The following VSTM4 variants were observed in gnomAD, a reference collection of about 807,000 sequenced individuals.
The protein encoded by VSTM4 is V-set and transmembrane domain containing 4, also known as V-set and transmembrane domain-containing protein 4.
In VSTM4, 20 loss-of-function variants were observed where a neutral mutation model predicts 36.4. The ratio of observed to expected loss-of-function variants is 0.55; its 90% CI spans 0.39 to 0.80. VSTM4 has a LOEUF of 0.80. Among genes scored for constraint, VSTM4 ranks in the 30% least tolerant of loss-of-function variants. VSTM4 has a pLI of 0.00. For synonymous variants in VSTM4, 182 were observed against 173.9 expected (o/e 1.05, Z -0.37); for missense variants, 392 against 404.5 (o/e 0.97, Z 0.26).
intron 7 of VSTM4, among the ~76,000 whole-genome samples, chr10:49,024,490 C>T (rs1028460668): frequency 6.6e-6 from 1 of 152,130 alleles, no homozygotes; most frequent in Non-Finnish European, 1.5e-5. Context: ...CTGAGGCTAT[C>T]GTCCTGGGGC....
chr10:49,019,707 T>G lies in VSTM4; in HGVS notation c.906A>C (p.Lys302Asn). 1 of 1,613,976 alleles carries G rather than the reference T, an allele frequency of 6.2e-7. No individual in the cohort carries two copies. The highest frequency in any genetic ancestry group is 8.5e-7 in the Non-Finnish European group (1 of 1,179,938). Residue 302 changes from lysine to asparagine, a missense_variant, in exon 8 of 8, where the codon AAA becomes AAC. Transcript: ENST00000332853. Reference sequence around the variant, plus strand: ...CGTAGACAGTGCTGGTGGGGGCGCCTTTGGCAGCCCGGTGGGGTTTGATCA... The same window carrying G: ...CGTAGACAGTGCTGGTGGGGGCGCCGTTGGCAGCCCGGTGGGGTTTGATCA... ...LELIKPHRAA[K>N]GAPTSTVYAQ...
rs1199088197 is a variant in VSTM4, at chr10:49,048,539, C to T, written c.714G>A (p.Gln238=). ...VTSVTSLAPL[Q]PKKGKRQKEK... ...CCTTCTGCCTCTTGCCCTTCTTGGG[C>T]TGTAGTGGGGCCAAGCTGGTCACGC... The change falls in exon 6 of 8, where the codon CAG becomes CAA. Residue 238 remains glutamine (Q), a synonymous_variant. Coordinates refer to ENST00000332853, the MANE Select transcript of VSTM4 (RefSeq NM_001031746.5). 6.3e-7 allele frequency: 1 copy of T among 1,598,176 alleles called. No homozygotes were observed. The highest frequency in any genetic ancestry group is 2.3e-5 in the East Asian group (1 of 43,732).
intron 2 of VSTM4, among the ~76,000 whole-genome samples, chr10:49,101,406 C>A (rs1844663987): frequency 6.6e-6 from 1 of 152,004 alleles, no homozygotes; most frequent in African/African-American, 2.4e-5. Flanking sequence ...AGACAGCAAC[C>A]CATTTATTAA....
At chr10:49,061,667 T>C (rs1474838502) in intron 5 of VSTM4, among the ~76,000 whole-genome samples, 2 of 152,188 alleles carry the variant, frequency 1.3e-5, no homozygotes, top group African/African-American at 4.8e-5. Context: ...TGCCCTGAAG[T>C]ACATCTTATC....
At chr10:49,049,353 A>G (rs1843662793) in intron 5 of VSTM4, among the ~76,000 whole-genome samples, 1 of 152,188 alleles carries the variant, frequency 6.6e-6, no homozygotes, top group Admixed American at 6.5e-5. Flanking sequence ...TCTAAGTGAC[A>G]TTGTTGGTAA....
Position 49,107,740 on chromosome 10 carries a change from T to A in VSTM4, c.311A>T (p.Glu104Val). The change falls in exon 2 of 8, where the codon GAG (glutamate) becomes GTG (valine). Residue 104 changes from glutamate (E) to valine (V), a missense_variant. Physicochemically the swap from Glu to Val is moderately radical, Grantham distance 121. Coordinates refer to ENST00000332853, the MANE Select transcript of VSTM4 (RefSeq NM_001031746.5). ...AKRRRLRLLE[E>V]QRGALYRLSV... ...GAGCCTGTAGAGCGCCCCCCGCTGCTCCTCCAGCAGGCGCAGCCTCCGCCG... is the reference window on the plus strand; with the variant it reads ...GAGCCTGTAGAGCGCCCCCCGCTGCACCTCCAGCAGGCGCAGCCTCCGCCG... 6.2e-7 allele frequency: 1 copy of A among 1,614,202 alleles called. No homozygotes were observed. The highest frequency in any genetic ancestry group is 1.1e-5 in the South Asian group (1 of 91,092).
At chr10:49,063,398 G>A (rs1843917091) in intron 5 of VSTM4, among the ~76,000 whole-genome samples, 1 of 152,152 alleles carries the variant, frequency 6.6e-6, no homozygotes, top group Non-Finnish European at 1.5e-5. Context: ...ATTCATCCCA[G>A]TGTTGATCTG....
intron 7 of VSTM4, among the ~76,000 whole-genome samples, chr10:49,037,015 G>A (rs4129867): frequency 6.6e-6 from 1 of 152,232 alleles, no homozygotes; most frequent in Non-Finnish European, 1.5e-5. Context: ...TGCTACACTA[G>A]GAGATCATGG....
chr10:49,051,240 C>T (rs1232688047), intron 5 of VSTM4, among the ~76,000 whole-genome samples: 2 of 152,130 alleles, frequency 1.3e-5, no homozygotes, highest in African/African-American at 4.8e-5. Flanking sequence ...TGGCAACCAG[C>T]GATCTTTTAA....
intron 7 of VSTM4, among the ~76,000 whole-genome samples, chr10:49,044,829 T>C (rs1207452298): frequency 6.6e-6 from 1 of 152,226 alleles, no homozygotes; most frequent in East Asian, 1.9e-4. Flanking sequence ...CTTTACTTTG[T>C]ACCATTCATA....
chr10:49,041,947 A>G (rs1423374369), intron 7 of VSTM4, among the ~76,000 whole-genome samples: 2 of 152,230 alleles, frequency 1.3e-5, no homozygotes, highest in Non-Finnish European at 2.9e-5. Context: ...ATTAGAAACA[A>G]TATGTCCTGA....
intron 4 of VSTM4, among the ~76,000 whole-genome samples, chr10:49,074,046 C>G (rs773250418): frequency 3.3e-5 from 5 of 152,208 alleles, no homozygotes; most frequent in Non-Finnish European, 4.4e-5. Context: ...CTGTGTCTGT[C>G]TATGCTGATC....
chr10:49,052,836 C>A (rs867761751), intron 5 of VSTM4, among the ~76,000 whole-genome samples: 1 of 152,124 alleles, frequency 6.6e-6, no homozygotes, highest in African/African-American at 2.4e-5. Context: ...GTGGAGAACA[C>A]CTGCTTTGTC....
intron 3 of VSTM4, among the ~76,000 whole-genome samples, chr10:49,080,099 T>A (rs912975570): frequency 6.6e-6 from 1 of 152,240 alleles, no homozygotes; most frequent in Non-Finnish European, 1.5e-5. Context: ...AATTCTGTGG[T>A]GAGCATTCAT....
At chr10:49,045,202 TTC>T (rs55748405) in intron 7 of VSTM4, among the ~76,000 whole-genome samples, 248 of 148,328 alleles carry the variant, frequency 1.7e-3, no homozygotes, top group African/African-American at 4.2e-3. Flanking sequence ...CAGTCTTTCT[TTC>T]TCTCTCTCTC....
At chr10:49,113,649 GT>G (rs1844938088) in intron 1 of VSTM4, among the ~76,000 whole-genome samples, 1 of 152,188 alleles carries the variant, frequency 6.6e-6, no homozygotes. Flanking sequence ...TTGTCTGTCA[GT>G]TTTCTTTCCT....
chr10:49,097,724 A>G (rs958436802), intron 2 of VSTM4, among the ~76,000 whole-genome samples: 10 of 152,212 alleles, frequency 6.6e-5, no homozygotes, highest in African/African-American at 2.2e-4. Flanking sequence ...ATAACTAGCT[A>G]TATATTATTT....
At chr10:49,044,196 C>T (rs1256459177) in intron 7 of VSTM4, among the ~76,000 whole-genome samples, 1 of 152,018 alleles carries the variant, frequency 6.6e-6, no homozygotes, top group Non-Finnish European at 1.5e-5. Flanking sequence ...AGCATAGTGG[C>T]ATGCACCTGT....
Position 49,015,118 on chromosome 10 carries a change from CA to C in VSTM4, c.*4531del, listed in dbSNP as rs1843084523. 4 of 94,582 alleles carry C rather than the reference CA, an allele frequency of 4.2e-5. No individual in the cohort carries two copies. Among genetic ancestry groups the C allele is most frequent in the Non-Finnish European group, 4.1e-5 (2 of 49,062 alleles). 5.9% of individuals were successfully genotyped at this position (94,582 alleles called of 1,614,324 possible). ...CCCAGACCTCCTGAGCCAGGATCTA[CA>C]TTTTTTTTTTTTTTTTTTTTGAGAC... is the stretch of plus-strand genomic sequence containing the variant. On this transcript the variant is annotated 3_prime_UTR_variant, in exon 8 of 8. Coordinates refer to ENST00000332853, the MANE Select transcript of VSTM4 (RefSeq NM_001031746.5).
Sources: allele counts gnomAD v4.1 joint callset (sites outside exome capture counted in the v4.1 genomes callset), GRCh38; gene constraint gnomAD v4.1.1; transcripts MANE v1.5; gene names NCBI Gene and HGNC (gene_info 2026-07-23, HGNC 2026-07-21).